The following KCNH7 variants were observed in gnomAD, a reference collection of about 807,000 sequenced individuals.
The protein encoded by KCNH7 is voltage-gated inwardly rectifying potassium channel KCNH7.
KCNH7 carries 49 observed loss-of-function variants against 120.8 expected under a neutral mutation model. That is an observed-to-expected ratio of 0.41 (90% confidence interval 0.32 to 0.51). The LOEUF is 0.51. Ranked by LOEUF, KCNH7 falls within the 20% of genes least tolerant of loss-of-function variation. The probability of loss-of-function intolerance (pLI) is 0.38; values close to 1 mark genes in which losing one functional copy is unlikely to be tolerated. For synonymous variants in KCNH7, 547 were observed against 516.1 expected, an observed-to-expected ratio of 1.06 and a Z score of -0.81; for missense variants, 1,097 against 1,446.6, an observed-to-expected ratio of 0.76 and a Z score of 3.92.
At chr2:162,538,541 GA>G (rs888691383) in intron 2 of KCNH7, among the ~76,000 whole-genome samples, 30 of 152,134 alleles carry the variant, frequency 2.0e-4, no homozygotes, top group African/African-American at 7.2e-4. Context: ...ACAGCTGAAG[GA>G]TCTTTTTGGG....
chr2:162,697,939 A>G (rs1273434445), intron 2 of KCNH7, among the ~76,000 whole-genome samples: 2 of 152,076 alleles, frequency 1.3e-5, no homozygotes, highest in African/African-American at 4.8e-5. Flanking sequence ...AGAATATTTA[A>G]TTTCCCAAAT....
chr2:162,675,540 A>G (rs114357771), intron 2 of KCNH7, among the ~76,000 whole-genome samples: 1,623 of 151,698 alleles, frequency 0.011, 24 homozygotes, highest in African/African-American at 0.037. Context: ...CTTAGGAATA[A>G]AAATGAATAC....
At chr2:162,642,926 G>C (rs1684217402) in intron 2 of KCNH7, among the ~76,000 whole-genome samples, 1 of 152,182 alleles carries the variant, frequency 6.6e-6, no homozygotes, top group Non-Finnish European at 1.5e-5. Context: ...GGCATAACAT[G>C]CTGGTCAAAT....
chr2:162,531,569 A>C (rs140698302), intron 3 of KCNH7, among the ~76,000 whole-genome samples: 10 of 152,102 alleles, frequency 6.6e-5, no homozygotes, highest in South Asian at 2.1e-4. Context: ...TTGTTAGTGG[A>C]AAGTATAAGA....
intron 2 of KCNH7, among the ~76,000 whole-genome samples, chr2:162,782,249 C>T (rs970228803): frequency 1.3e-5 from 2 of 151,972 alleles, no homozygotes; most frequent in African/African-American, 4.8e-5. Context: ...ACACAAAATA[C>T]ATATGTAATA....
intron 3 of KCNH7, among the ~76,000 whole-genome samples, chr2:162,527,374 T>C (rs1450966302): frequency 2.0e-5 from 3 of 151,998 alleles, no homozygotes; most frequent in Non-Finnish European, 4.4e-5. Flanking sequence ...CAGCTCTTCA[T>C]CTTCAAAATA....
At chr2:162,458,493 T>C (rs1284088014) in intron 6 of KCNH7, among the ~76,000 whole-genome samples, 2 of 152,152 alleles carry the variant, frequency 1.3e-5, no homozygotes, top group Admixed American at 1.3e-4. Context: ...AGATGGTCTC[T>C]AGTCTAATGC....
At chr2:162,766,184 TTGTGTGTG>T (rs1053345854) in intron 2 of KCNH7, among the ~76,000 whole-genome samples, 1 of 151,802 alleles carries the variant, frequency 6.6e-6, no homozygotes, top group South Asian at 2.1e-4. Flanking sequence ...TGTGTGTGTT[TTGTGTGTG>T]TGTGTGTCAA....
At chr2:162,645,908 G>A (rs372512603) in intron 2 of KCNH7, among the ~76,000 whole-genome samples, 32 of 151,374 alleles carry the variant, frequency 2.1e-4, no homozygotes, top group East Asian at 9.8e-4. Flanking sequence ...CACATCTCTC[G>A]ATCTACACAA....
chr2:162,811,113 T>G (rs1344007781), intron 2 of KCNH7, among the ~76,000 whole-genome samples: 1 of 152,172 alleles, frequency 6.6e-6, no homozygotes, highest in Admixed American at 6.5e-5. Flanking sequence ...GATGCTGGTC[T>G]TATGTCCCTT....
chr2:162,715,977 T>TGTGTGTGTGC (rs374889170), intron 2 of KCNH7, among the ~76,000 whole-genome samples: 12 of 151,372 alleles, frequency 7.9e-5, no homozygotes, highest in African/African-American at 2.2e-4. Flanking sequence ...TGTGTGTGTG[T>TGTGTGTGTGC]GCACACCACA....
At chr2:162,826,721 A>T (rs1019367023) in intron 2 of KCNH7, among the ~76,000 whole-genome samples, 1 of 152,136 alleles carries the variant, frequency 6.6e-6, no homozygotes, top group African/African-American at 2.4e-5. Context: ...GGTTCTCGTA[A>T]GTCTGTTCTT....
At chr2:162,716,068 C>T (rs1017857881) in intron 2 of KCNH7, among the ~76,000 whole-genome samples, 1 of 151,870 alleles carries the variant, frequency 6.6e-6, no homozygotes, top group Non-Finnish European at 1.5e-5. Context: ...TCCTTCATTG[C>T]TGTGCTTCTT....
At chr2:162,516,115 G>A (rs1230737731) in intron 4 of KCNH7, among the ~76,000 whole-genome samples, 1 of 151,746 alleles carries the variant, frequency 6.6e-6, no homozygotes, top group African/African-American at 2.4e-5. Flanking sequence ...TCGCGTATCT[G>A]CCATGAAGTA....
chr2:162,645,622 T>C (rs1684330742), intron 2 of KCNH7, among the ~76,000 whole-genome samples: 1 of 152,168 alleles, frequency 6.6e-6, no homozygotes, highest in Admixed American at 6.5e-5. Context: ...TTGGGAAACT[T>C]TATCTAGACT....
chr2:162,718,502 A>G (rs12986989), intron 2 of KCNH7, among the ~76,000 whole-genome samples: 3,430 of 152,118 alleles, frequency 0.023, 73 homozygotes, highest in East Asian at 0.12. Flanking sequence ...TGTAGAGAAC[A>G]TGGTATGAAC....
chr2:162,774,101 T>C (rs924861136), intron 2 of KCNH7, among the ~76,000 whole-genome samples: 2 of 152,146 alleles, frequency 1.3e-5, no homozygotes, highest in Admixed American at 6.5e-5. Flanking sequence ...GGATATACCA[T>C]GAAATACAAA....
intron 2 of KCNH7, among the ~76,000 whole-genome samples, chr2:162,539,196 C>T (rs1235698131): frequency 1.3e-5 from 2 of 152,050 alleles, no homozygotes; most frequent in East Asian, 3.9e-4. Context: ...AGAAGTGCTT[C>T]AGGCCAGGCA....
chr2:162,777,954 T>TCC (rs1683313112), intron 2 of KCNH7, among the ~76,000 whole-genome samples: 1 of 152,162 alleles, frequency 6.6e-6, no homozygotes, highest in Non-Finnish European at 1.5e-5. Context: ...TTTGTTTTTT[T>TCC]AAAAAGGCTA....
Sources: allele counts gnomAD v4.1 joint callset (sites outside exome capture counted in the v4.1 genomes callset), GRCh38; gene constraint gnomAD v4.1.1; transcripts MANE v1.5; gene names NCBI Gene and HGNC (gene_info 2026-07-23, HGNC 2026-07-21).